RNF40: variants seen among roughly 807,000 people sequenced by gnomAD.
The protein encoded by RNF40 is E3 ubiquitin-protein ligase BRE1B.
A neutral mutation model predicts 123.3 loss-of-function variants in RNF40; 39 were observed. The ratio of observed to expected loss-of-function variants is 0.32; its 90% CI spans 0.24 to 0.41. The LOEUF (loss-of-function observed/expected upper bound fraction) is 0.41, where lower values mean the gene tolerates loss of function less well. RNF40 is among the 10% of genes least tolerant of loss of function. The pLI is 1.00. For synonymous variants in RNF40, 538 were observed against 526.0 expected (o/e 1.02, Z -0.31); for missense variants, 1,003 against 1,319.9 (o/e 0.76, Z 3.72).
chr16:30,771,631 CAAAG>C lies in RNF40; in HGVS notation c.2587-198_2587-195del, dbSNP rs150388111. ...GACTCCGTCTCAAAAAAACAAAAAA[CAAAG>C]AAACCCCAAAAAACAGCATCACACG... On this transcript the variant is annotated intron_variant, in intron 17 of 19. Coordinates refer to ENST00000324685, the MANE Select transcript of RNF40 (RefSeq NM_014771.4). Among the ~76,000 whole-genome samples the C allele has an allele frequency of 4.1e-3, 538 of 132,412 alleles. 1 individual carries two copies. Among genetic ancestry groups the C allele is most frequent in the African/African-American group, 0.012 (492 of 39,882 alleles). The allele number at this position is 132,412 out of a possible 152,430, so 86.9% of individuals were successfully genotyped here. A position where few individuals can be genotyped will look rare whatever the true frequency, so the allele number is the denominator to read the frequency against.
chr16:30,768,006 G>T lies in RNF40; in HGVS notation c.1542G>T (p.Glu514Asp). Reference sequence around the variant, plus strand: ...GGAAGCTTCGAGAAGTACAAGCTGAGATTGGCAAGGTGAGAAGGGGCCTGC... The same window carrying T: ...GGAAGCTTCGAGAAGTACAAGCTGATATTGGCAAGGTGAGAAGGGGCCTGC... Reference protein sequence around the residue: ...YKRKLREVQAEIGKLRAQASG... With the variant: ...YKRKLREVQADIGKLRAQASG... The change falls in exon 12 of 20, where the codon GAG becomes GAT. Residue 514 changes from glutamate (E) to aspartate (D), a missense_variant. Glu to Asp is a conservative substitution (Grantham distance 45). Transcript: ENST00000324685. This position sits in a 1 kb window ranked among gnomAD's most constrained non-coding sequence, Gnocchi z 4.1. 1 of 1,614,254 alleles carries T rather than the reference G, an allele frequency of 6.2e-7. No homozygotes were observed. The highest frequency in any genetic ancestry group is 1.1e-5 in the South Asian group (1 of 91,090).
intron 8 of RNF40, among the ~76,000 whole-genome samples, chr16:30,765,726 C>T (rs1470789494): frequency 1.3e-5 from 2 of 152,128 alleles, no homozygotes; most frequent in African/African-American, 2.4e-5. Context: ...CTTTCATGGA[C>T]CAGACAAGAA....
In RNF40 at chr16:30,774,029, G is replaced by T. The variant is rs1276644055; in HGVS notation, c.2921G>T (p.Gly974Val). The T allele has an allele frequency of 1.9e-6, 3 of 1,614,110 alleles. No individual in the cohort carries two copies. Among genetic ancestry groups the T allele is most frequent in the Non-Finnish European group, 2.5e-6 (3 of 1,179,918 alleles). The change falls in exon 20 of 20, where the codon GGC becomes GTC. Residue 974 changes from glycine to valine, a missense_variant. Gly to Val is a moderately radical substitution (Grantham distance 109). This residue lies in a region of RNF40 where 76 missense variants were observed against 134.1 expected (regional missense o/e 0.57). Coordinates refer to ENST00000324685, the MANE Select transcript of RNF40 (RefSeq NM_014771.4). ...GTTTTCTGCTTCGAGTGCGTGCGGG[G>T]CCGCTATGAGGCCCGCCAGAGGAAG... ...FHVFCFECVRGRYEARQRKCP... is the reference protein window; with the variant it reads ...FHVFCFECVRVRYEARQRKCP...
Position 30,764,978 on chromosome 16 carries a change from C to T in RNF40, c.690C>T (p.Thr230=). The part of the protein sequence containing the change: ...EPLSEAAQAH[T]RELGRENRRL... ...TCAGTGAGGCGGCTCAGGCACACAC[C>T]CGAGAGCTGGGCCGTGAGAACCGGC... Residue 230 remains threonine (T), a synonymous_variant, in exon 6 of 20, where the codon ACC becomes ACT. Transcript: ENST00000324685. 17 of 1,613,170 alleles carry T rather than the reference C, an allele frequency of 1.1e-5. No individual in the cohort carries two copies. Among genetic ancestry groups the T allele is most frequent in the Non-Finnish European group, 1.4e-5 (16 of 1,180,026 alleles).
intron 3 of RNF40, 25 bp downstream of exon 3, chr16:30,763,310 C>T (rs200316534): frequency 6.2e-7 from 1 of 1,612,814 alleles, no homozygotes; most frequent in Non-Finnish European, 8.5e-7. Flanking sequence ...CTTTCAAAGA[C>T]CAGGCCTTGA....
At position 30,771,883 on chromosome 16, in the gene RNF40, C is replaced by T. The variant is rs757883331; in HGVS notation, c.2637C>T (p.His879=). The T allele has an allele frequency of 9.9e-6, 16 of 1,608,770 alleles. No homozygotes were observed. Among genetic ancestry groups the T allele is most frequent in the Middle Eastern group, 1.7e-4 (1 of 6,048 alleles). The change falls in exon 18 of 20, where the codon CAC becomes CAT. Residue 879 remains histidine (H), a synonymous_variant. Coordinates refer to ENST00000324685, the MANE Select transcript of RNF40 (RefSeq NM_014771.4). ...AGGACCTGAAGGTGCAGCTGGAGCA[C>T]GTGCAGACTCGGCTGCGGGAGATCC... The part of the protein sequence containing the change: ...LAEDLKVQLE[H]VQTRLREIQP...
At chr16:30,765,542 C>G in intron 8 of RNF40, 43 bp downstream of exon 8, 1 of 1,554,768 alleles carries the variant, frequency 6.4e-7, no homozygotes, top group Non-Finnish European at 8.9e-7. Flanking sequence ...AACCTCTTCT[C>G]TGTTGCACTC....
chr16:30,772,171 AG>A lies in RNF40; in HGVS notation c.2812del (p.Glu938ArgfsTer9). On this transcript the variant is annotated frameshift_variant, in exon 19 of 20. Transcript: ENST00000324685. LOFTEE classifies it high-confidence loss of function. ...GCAGATGCCGACGAAATCCTCCAGGAGGAGATCAAGGAGTACAAGGTGGGGC... is the reference window on the plus strand; with the variant it reads ...GCAGATGCCGACGAAATCCTCCAGGAGAGATCAAGGAGTACAAGGTGGGGC... ...VYADADEILQEEIKEYKARLT... is the reference protein window; with the variant it reads ...VYADADEILQXEIKEYKARLT... 6.4e-7 allele frequency: 1 copy of A among 1,552,344 alleles called. No individual in the cohort carries two copies. Among genetic ancestry groups the A allele is most frequent in the Non-Finnish European group, 8.7e-7 (1 of 1,147,314 alleles).
At chr16:30,761,632 G>A (rs1225583000), upstream of RNF40, 1 of 1,536,068 alleles carries the variant, frequency 6.5e-7, no homozygotes, top group Admixed American at 2.0e-5. Context: ...GCGTCCGCGC[G>A]GCCGACCCAT....
At position 30,763,343 on chromosome 16, in the gene RNF40, C is replaced by A. The variant is rs2053932853; in HGVS notation, c.300+58C>A. 8 of 1,608,904 alleles carry A rather than the reference C, an allele frequency of 5.0e-6. No individual in the cohort carries two copies. The Admixed American group carries it at 1.3e-4, about 27-fold the overall frequency. ...TGATTCAGCTGCCAATCCCCAGATT[C>A]CCCTGCTAGGAAAGGAGTATCATGT... is the stretch of plus-strand genomic sequence containing the variant. On this transcript the variant is annotated intron_variant, in intron 3 of 19. Transcript: ENST00000324685.
In RNF40 at chr16:30,766,578, G is replaced by A. The variant is rs199738852; in HGVS notation, c.1293+20G>A. 113 of 1,597,106 alleles carry A rather than the reference G, an allele frequency of 7.1e-5. No homozygotes were observed. Among genetic ancestry groups the A allele is most frequent in the Non-Finnish European group, 7.5e-5 (88 of 1,169,996 alleles). On this transcript the variant is annotated intron_variant, in intron 10 of 19. Coordinates refer to ENST00000324685, the MANE Select transcript of RNF40 (RefSeq NM_014771.4). The surrounding 1 kb of genome is among the most constrained non-coding windows in gnomAD (Gnocchi z 5.4). ...ATGGAGGTATGGCCCTGGAACAGGCGTTAGGGCTGGGCTAAGGGCCAAACC... is the reference window on the plus strand; with the variant it reads ...ATGGAGGTATGGCCCTGGAACAGGCATTAGGGCTGGGCTAAGGGCCAAACC...
rs867092506 is a variant in RNF40, at chr16:30,770,105, A to G, written c.2586+505A>G. On this transcript the variant is annotated intron_variant, in intron 17 of 19. Transcript: ENST00000324685. ...CAAGAGCGAGACTCTGTCCCTAGGG[A>G]AAAAAAACAAAAGATTTTTGAGTTG... is the stretch of plus-strand genomic sequence containing the variant. Among the ~76,000 whole-genome samples, 13 of 17,368 alleles carry G rather than the reference A, an allele frequency of 7.5e-4. No individual in the cohort carries two copies. The East Asian group carries it at 0.026, about 35-fold the overall frequency. The allele number at this position is 17,368 out of a possible 152,430, so 11.4% of individuals were successfully genotyped here. A position where few individuals can be genotyped will look rare whatever the true frequency, so the allele number is the denominator to read the frequency against.
In RNF40 at chr16:30,763,540, G is replaced by A. The variant is rs772311842; in HGVS notation, c.423G>A (p.Pro141=). ...GTGATGGGACTCCTCTCCCAGAGCCGGGGACATCAGAGCTGAGAGGTAGGA... is the reference window on the plus strand; with the variant it reads ...GTGATGGGACTCCTCTCCCAGAGCCAGGGACATCAGAGCTGAGAGGTAGGA... The part of the protein sequence containing the change: ...PTCDGTPLPE[P]GTSELRDPLL... Residue 141 remains proline, a synonymous_variant, in exon 4 of 20, where the codon CCG becomes CCA. Transcript: ENST00000324685. 10 of 1,613,996 alleles carry A rather than the reference G, an allele frequency of 6.2e-6. No individual in the cohort carries two copies. Among genetic ancestry groups the A allele is most frequent in the Admixed American group, 5.0e-5 (3 of 60,004 alleles).
At position 30,774,256 on chromosome 16, in the gene RNF40, C is replaced by G. The variant is rs1304253664; in HGVS notation, c.*142C>G. The G allele has an allele frequency of 1.2e-6, 1 of 814,378 alleles. No homozygotes were observed. The highest frequency in any genetic ancestry group is 1.7e-5 in the African/African-American group (1 of 57,884). The allele number at this position is 814,378 out of a possible 1,614,324, so 50.4% of individuals were successfully genotyped here. A position where few individuals can be genotyped will look rare whatever the true frequency, so the allele number is the denominator to read the frequency against. On this transcript the variant is annotated 3_prime_UTR_variant, in exon 20 of 20. Transcript: ENST00000324685. Reference sequence around the variant, plus strand: ...CTGCCCATCTAGTTGGTTTGGGGACCCTGGTGCATGCTAGTGGGCATGGGA... The same window carrying G: ...CTGCCCATCTAGTTGGTTTGGGGACGCTGGTGCATGCTAGTGGGCATGGGA...
rs1596735707 is a variant in RNF40 at position 30,762,609 on chromosome 16, C to T, written c.64C>T (p.Leu22=). 1.2e-6 allele frequency: 2 copies of T among 1,610,552 alleles called. No individual in the cohort carries two copies. Among genetic ancestry groups the T allele is most frequent in the East Asian group, 4.5e-5 (2 of 44,810 alleles). The change falls in exon 2 of 20, where the codon CTG becomes TTG. Residue 22 remains leucine, a synonymous_variant. Transcript: ENST00000324685. ...GGGCTCAGGGCCCCCGGAAAAGAAG[C>T]TGAGTCGTGAGGAGAAGACCACCAC... is the stretch of plus-strand genomic sequence containing the variant. ...DGGSGPPEKK[L]SREEKTTTTL...
At chr16:30,765,844 G>C (rs992919386) in intron 8 of RNF40, among the ~76,000 whole-genome samples, 34 of 152,334 alleles carry the variant, frequency 2.2e-4, no homozygotes, top group African/African-American at 8.2e-4. Context: ...GCACAGAAGA[G>C]AGAGCTAAGA....
At chr16:30,762,287 GCAGTGGCGTCCAGTGACGCC>G (rs1280279617), upstream of RNF40, 5 of 475,808 alleles carry the variant, frequency 1.1e-5, no homozygotes, top group East Asian at 7.5e-5. Context: ...TGGGGGGGGG[GCAGTGGCGTCCAGTGACGCC>G]CAGTGACGTC....
In RNF40 at chr16:30,768,039, A is replaced by T; in HGVS notation, c.1551+24A>T. Reference sequence around the variant, plus strand: ...AGGTGAGAAGGGGCCTGCCTGGGAAAAGGTTTGGCTAGACTCCAGTGAACA... The same window carrying T: ...AGGTGAGAAGGGGCCTGCCTGGGAATAGGTTTGGCTAGACTCCAGTGAACA... On this transcript the variant is annotated intron_variant, in intron 12 of 19. Coordinates refer to ENST00000324685, the MANE Select transcript of RNF40 (RefSeq NM_014771.4). This position sits in a 1 kb window ranked among gnomAD's most constrained non-coding sequence, Gnocchi z 4.1. The T allele has an allele frequency of 6.2e-7, 1 of 1,614,200 alleles. No homozygotes were observed. Among genetic ancestry groups the T allele is most frequent in the Non-Finnish European group, 8.5e-7 (1 of 1,180,042 alleles).
At chr16:30,771,724 A>T in intron 17 of RNF40, 109 bp from the exon 18 acceptor site, 2 of 1,266,870 alleles carry the variant, frequency 1.6e-6, no homozygotes, top group Non-Finnish European at 2.2e-6. Context: ...GAGCAGCTCC[A>T]GGGCAGGTGT....
Sources: allele counts gnomAD v4.1 joint callset (sites outside exome capture counted in the v4.1 genomes callset), GRCh38; gene constraint gnomAD v4.1.1; regional missense constraint gnomAD v4.1.1; non-coding constraint Gnocchi (gnomAD v3.1); transcripts MANE v1.5; gene names NCBI Gene and HGNC (gene_info 2026-07-23, HGNC 2026-07-21).